Variants in B3GALT1 observed in about 807,000 individuals in gnomAD.
B3GALT1 encodes the protein UDP-Gal:betaGlcNAc beta 1,3-galactosyltransferase, polypeptide 1.
In B3GALT1, 10 loss-of-function variants were observed where a neutral mutation model predicts 23.2. The ratio of observed to expected loss-of-function variants is 0.43; its 90% CI spans 0.27 to 0.73. B3GALT1 has a LOEUF of 0.73. Ranked by LOEUF, B3GALT1 falls within the 30% of genes least tolerant of loss-of-function variation. The pLI is 0.21. For missense variants in B3GALT1, 299 were observed against 405.4 expected, an observed-to-expected ratio of 0.74 and a Z score of 2.25; for synonymous variants, 156 against 141.5, an observed-to-expected ratio of 1.10 and a Z score of -0.73.
At chr2:167,344,595 T>C (rs1697199493) in intron 1 of B3GALT1, among the ~76,000 whole-genome samples, 1 of 152,166 alleles carries the variant, frequency 6.6e-6, no homozygotes, top group African/African-American at 2.4e-5. Context: ...TCATGGATAA[T>C]AAAATTTTTC....
chr2:167,427,190 A>T (rs1374383043), intron 1 of B3GALT1, among the ~76,000 whole-genome samples: 1 of 152,222 alleles, frequency 6.6e-6, no homozygotes, highest in Non-Finnish European at 1.5e-5. Context: ...AGCTTAAGAT[A>T]ATAAGGAAAT....
At chr2:167,457,178 A>G (rs1032500147) in intron 1 of B3GALT1, among the ~76,000 whole-genome samples, 1 of 151,764 alleles carries the variant, frequency 6.6e-6, no homozygotes, top group Non-Finnish European at 1.5e-5. Context: ...CTTCTTTTTT[A>G]TTATTATTTT....
intron 2 of B3GALT1, among the ~76,000 whole-genome samples, chr2:167,644,569 A>T (rs1357943203): frequency 1.3e-5 from 2 of 152,100 alleles, no homozygotes; most frequent in Non-Finnish European, 1.5e-5. Context: ...TCACGAGGTC[A>T]GGAGATCGAG....
chr2:167,620,680 C>A (rs995758909), intron 2 of B3GALT1, among the ~76,000 whole-genome samples: 5 of 152,038 alleles, frequency 3.3e-5, no homozygotes, highest in Non-Finnish European at 7.4e-5. Flanking sequence ...CCAGCTGAGA[C>A]CTAACAAGGT....
At chr2:167,376,445 C>G (rs1281466996) in intron 1 of B3GALT1, among the ~76,000 whole-genome samples, 2 of 152,038 alleles carry the variant, frequency 1.3e-5, no homozygotes, top group Non-Finnish European at 2.9e-5. Flanking sequence ...GCATCTGGTA[C>G]AATCAGCAGT....
chr2:167,359,840 C>T (rs12692859), intron 1 of B3GALT1, among the ~76,000 whole-genome samples: 127,924 of 151,268 alleles, frequency 0.85, 54,807 homozygotes, highest in East Asian at 0.95. Context: ...AAAAACAACC[C>T]CTACCACAGC....
At chr2:167,537,279 C>T (rs1169579709) in intron 2 of B3GALT1, among the ~76,000 whole-genome samples, 1 of 152,022 alleles carries the variant, frequency 6.6e-6, no homozygotes, top group Admixed American at 6.6e-5. Flanking sequence ...GGGGAAACCA[C>T]CGTATGATTC....
chr2:167,610,540 T>G (rs1370768312), intron 2 of B3GALT1, among the ~76,000 whole-genome samples: 1 of 152,074 alleles, frequency 6.6e-6, no homozygotes, highest in East Asian at 1.9e-4. Context: ...ATTCTCCTGC[T>G]TAAAGGTGGA....
chr2:167,692,099 GC>G (rs1415728067), intron 3 of B3GALT1, among the ~76,000 whole-genome samples: 2 of 152,090 alleles, frequency 1.3e-5, no homozygotes, highest in African/African-American at 4.8e-5. Context: ...AGGTGTATTT[GC>G]CTCTGTTGTA....
intron 1 of B3GALT1, among the ~76,000 whole-genome samples, chr2:167,392,009 C>T (rs1450759035): frequency 1.3e-5 from 2 of 152,088 alleles, no homozygotes; most frequent in Middle Eastern, 3.2e-3. Flanking sequence ...CCGGACTTGA[C>T]TTCTTGGTCT....
At chr2:167,574,411 A>G (rs570043806) in intron 2 of B3GALT1, among the ~76,000 whole-genome samples, 51 of 151,862 alleles carry the variant, frequency 3.4e-4, no homozygotes, top group African/African-American at 1.1e-3. Flanking sequence ...AGTAGGGACC[A>G]TTTGATCAAA....
chr2:167,732,164 A>G (rs962735716), intron 3 of B3GALT1, among the ~76,000 whole-genome samples: 2 of 152,230 alleles, frequency 1.3e-5, no homozygotes, highest in African/African-American at 4.8e-5. Context: ...CAGACGTTTT[A>G]TGATCTCAAT....
intron 4 of B3GALT1, among the ~76,000 whole-genome samples, chr2:167,826,410 G>C: frequency 6.6e-6 from 1 of 152,312 alleles, no homozygotes; most frequent in Middle Eastern, 3.4e-3. Context: ...CAGAGCTGAG[G>C]AAGAGGAGGC....
chr2:167,742,600 G>C (rs1201825821), intron 3 of B3GALT1, among the ~76,000 whole-genome samples: 1 of 152,140 alleles, frequency 6.6e-6, no homozygotes, highest in East Asian at 1.9e-4. Context: ...CTACGTAGCA[G>C]AAAGAAGTTG....
At chr2:167,328,583 T>C (rs1696929746) in intron 1 of B3GALT1, among the ~76,000 whole-genome samples, 1 of 152,144 alleles carries the variant, frequency 6.6e-6, no homozygotes, top group Admixed American at 6.5e-5. Flanking sequence ...CTGATTTTAT[T>C]TGTTTCTTCT....
At chr2:167,643,923 G>A (rs1685698667) in intron 2 of B3GALT1, among the ~76,000 whole-genome samples, 1 of 152,158 alleles carries the variant, frequency 6.6e-6, no homozygotes, top group South Asian at 2.1e-4. Context: ...GAAGCTGTTT[G>A]GAATTGTCTT....
chr2:167,539,383 C>G (rs918651265), intron 2 of B3GALT1, among the ~76,000 whole-genome samples: 1 of 152,026 alleles, frequency 6.6e-6, no homozygotes, highest in African/African-American at 2.4e-5. Context: ...TGTAATTTCT[C>G]CGAGTGGTAA....
In B3GALT1 at chr2:167,514,536, G is replaced by T. The variant is rs558933420; in HGVS notation, c.-410+24259G>T. Among the ~76,000 whole-genome samples the T allele has an allele frequency of 2.0e-5, 3 of 152,250 alleles. No homozygotes were observed. The East Asian group carries it at 5.8e-4, about 29-fold the overall frequency. ...ATGCATATGGCTAAGGAGAAAGTTAGTTTACAGTCCCAGCCCCAGCATCAG... is the reference window on the plus strand; with the variant it reads ...ATGCATATGGCTAAGGAGAAAGTTATTTTACAGTCCCAGCCCCAGCATCAG... On this transcript the variant is annotated intron_variant, in intron 2 of 4. Transcript: ENST00000392690.
intron 4 of B3GALT1, among the ~76,000 whole-genome samples, chr2:167,854,944 TGAAATA>T (rs1689970938): frequency 6.6e-6 from 1 of 152,146 alleles, no homozygotes; most frequent in African/African-American, 2.4e-5. Context: ...AGAGCTTAAT[TGAAATA>T]TACCTTAAGA....
Sources: allele counts gnomAD v4.1 joint callset (sites outside exome capture counted in the v4.1 genomes callset), GRCh38; gene constraint gnomAD v4.1.1; transcripts MANE v1.5; gene names NCBI Gene and HGNC (gene_info 2026-07-23, HGNC 2026-07-21).